EPHB1: variants seen among roughly 807,000 people sequenced by gnomAD.
EPHB1 encodes ephrin type-B receptor 1.
In EPHB1, 30 loss-of-function variants were observed where a neutral mutation model predicts 94.4. The ratio of observed to expected loss-of-function variants is 0.32; its 90% CI spans 0.24 to 0.43. EPHB1 has a LOEUF of 0.43. EPHB1 is among the 20% of genes least tolerant of loss of function. The pLI, the probability that EPHB1 is intolerant of heterozygous loss-of-function variation, is 1.00. For synonymous variants in EPHB1, 522 were observed against 489.1 expected (o/e 1.07, Z -0.89); for missense variants, 1,055 against 1,308.3 (o/e 0.81, Z 2.99).
At chr3:135,005,252 C>T (rs1935354511) in intron 3 of EPHB1, among the ~76,000 whole-genome samples, 1 of 152,170 alleles carries the variant, frequency 6.6e-6, no homozygotes, top group African/African-American at 2.4e-5. Context: ...CTGGGGGGTG[C>T]CTCCCAGTTA....
At chr3:134,854,449 A>G (rs1051213695) in intron 1 of EPHB1, among the ~76,000 whole-genome samples, 1 of 152,004 alleles carries the variant, frequency 6.6e-6, no homozygotes, top group African/African-American at 2.4e-5. Context: ...CTTTTATTGC[A>G]CCGCATTTTG....
chr3:134,904,582 T>C (rs1292364453), intron 1 of EPHB1, among the ~76,000 whole-genome samples: 1 of 152,136 alleles, frequency 6.6e-6, no homozygotes, highest in Non-Finnish European at 1.5e-5. Context: ...CAGCGGATGG[T>C]TTGACTCTGC....
At chr3:135,102,698 A>G (rs1181579915) in intron 3 of EPHB1, among the ~76,000 whole-genome samples, 8 of 152,130 alleles carry the variant, frequency 5.3e-5, no homozygotes, top group African/African-American at 1.9e-4. Context: ...TTGTAGCACT[A>G]TTTACAATAG....
chr3:135,250,144 G>A (rs1207288300), intron 15 of EPHB1, among the ~76,000 whole-genome samples: 1 of 152,136 alleles, frequency 6.6e-6, no homozygotes, highest in East Asian at 1.9e-4. Flanking sequence ...ATAAATTTGG[G>A]AAATATTGTG....
chr3:135,139,619 TG>T (rs1470437310), intron 5 of EPHB1, among the ~76,000 whole-genome samples: 1 of 152,208 alleles, frequency 6.6e-6, no homozygotes, highest in Non-Finnish European at 1.5e-5. Flanking sequence ...TCACTGAGAC[TG>T]GGATCAGAGG....
Position 135,260,447 on chromosome 3 carries a change from C to A in EPHB1, c.*1327C>A. 9.0e-6 allele frequency: 2 copies of A among 222,092 alleles called. No individual in the cohort carries two copies. Among genetic ancestry groups the A allele is most frequent in the Non-Finnish European group, 1.8e-5 (2 of 110,742 alleles). 13.8% of individuals were successfully genotyped at this position (222,092 alleles called of 1,614,324 possible). ...TCTGTCTAATTAAAAAGAGCAGAAG[C>A]ATGTCTGGGTTTACGTAAAATGGTG... is the stretch of plus-strand genomic sequence containing the variant. On this transcript the variant is annotated 3_prime_UTR_variant, in exon 16 of 16. Transcript: ENST00000398015.
chr3:135,005,965 G>A (rs959319412), intron 3 of EPHB1, among the ~76,000 whole-genome samples: 3 of 152,104 alleles, frequency 2.0e-5, no homozygotes, highest in South Asian at 2.1e-4. Flanking sequence ...GTTCCTATTC[G>A]GCCATCTTGG....
chr3:135,177,269 G>A (rs79076402), intron 9 of EPHB1, among the ~76,000 whole-genome samples: 8,621 of 152,220 alleles, frequency 0.057, 791 homozygotes, highest in African/African-American at 0.19. Context: ...GGCTGTTTAC[G>A]TCCTCTCACC....
Position 134,904,894 on chromosome 3 carries a change from CT to C in EPHB1, c.59-20918del, listed in dbSNP as rs143827678. Among the ~76,000 whole-genome samples the C allele has an allele frequency of 9.9e-3, 1,513 of 152,354 alleles. 34 individuals carry two copies. Among genetic ancestry groups the C allele is most frequent in the South Asian group, 0.08 (387 of 4,828 alleles). ...TTGTTTGGGTCTGCTATGCCTAGCT[CT>C]TTTACTTCTCTGCTTTAACCAGGGG... On this transcript the variant is annotated intron_variant, in intron 1 of 15. Transcript: ENST00000398015.
At chr3:134,921,119 C>G (rs1206825833) in intron 1 of EPHB1, among the ~76,000 whole-genome samples, 1 of 152,106 alleles carries the variant, frequency 6.6e-6, no homozygotes, top group Non-Finnish European at 1.5e-5. Context: ...TGCCAGAAAT[C>G]CCTTCTATCT....
At chr3:134,979,683 T>G (rs1342860615) in intron 3 of EPHB1, among the ~76,000 whole-genome samples, 4 of 152,294 alleles carry the variant, frequency 2.6e-5, no homozygotes, top group Non-Finnish European at 5.9e-5. Flanking sequence ...ACCATATAGA[T>G]TAAACTATGA....
At chr3:135,210,106 G>A (rs1942998838) in intron 12 of EPHB1, among the ~76,000 whole-genome samples, 1 of 152,168 alleles carries the variant, frequency 6.6e-6, no homozygotes, top group African/African-American at 2.4e-5. Flanking sequence ...TGTGGGTTTG[G>A]TTCAGAATAG....
intron 4 of EPHB1, among the ~76,000 whole-genome samples, chr3:135,115,311 T>C (rs1939645627): frequency 6.6e-6 from 1 of 152,230 alleles, no homozygotes; most frequent in South Asian, 2.1e-4. Context: ...AGAACTGGCC[T>C]GGAATGGATG....
chr3:134,795,649 A>T lies in EPHB1; in HGVS notation c.18A>T (p.Leu6=). ...GGCCGGCGATGGCCCTGGATTATCT[A>T]CTACTGCTCCTCCTGGCATCCGCAG... MALDY[L]LLLLLASAVA... The change falls in exon 1 of 16, where the codon CTA becomes CTT. Residue 6 remains leucine (L), a synonymous_variant. Transcript: ENST00000398015. 1 of 1,609,280 alleles carries T rather than the reference A, an allele frequency of 6.2e-7. No individual in the cohort carries two copies. The highest frequency in any genetic ancestry group is 2.3e-5 in the East Asian group (1 of 44,210).
Position 135,061,368 on chromosome 3 carries a change from A to ACCG in EPHB1, c.806-45078_806-45077insGCC, listed in dbSNP as rs112594621. Reference sequence around the variant, plus strand: ...GCTTAGCTCCCACTTAGGAATGACCACCCCCCCCGACCCAAGTCCCCAAAG... The same window carrying ACCG: ...GCTTAGCTCCCACTTAGGAATGACCACCGCCCCCCCCGACCCAAGTCCCCAAAG... On this transcript the variant is annotated intron_variant, in intron 3 of 15. Coordinates refer to ENST00000398015, the MANE Select transcript of EPHB1 (RefSeq NM_004441.5). Among the ~76,000 whole-genome samples the ACCG allele has an allele frequency of 9.0e-5, 10 of 111,372 alleles. 3 individuals carry two copies. In the South Asian group the frequency reaches 1.4e-3, roughly 15 times the overall value. 73.1% of individuals were successfully genotyped at this position (111,372 alleles called of 152,430 possible).
intron 12 of EPHB1, among the ~76,000 whole-genome samples, chr3:135,230,036 C>G (rs1403832249): frequency 1.3e-5 from 2 of 152,156 alleles, no homozygotes; most frequent in Non-Finnish European, 2.9e-5. Context: ...AAGCTGTGGT[C>G]TCTTAGGATG....
intron 1 of EPHB1, among the ~76,000 whole-genome samples, chr3:134,866,421 C>T (rs987219512): frequency 3.0e-4 from 45 of 152,312 alleles, no homozygotes; most frequent in African/African-American, 1.1e-3. Context: ...CAGAAAGCTG[C>T]CCAAAGGCCA....
chr3:134,905,599 G>A lies in EPHB1; in HGVS notation c.59-20217G>A, dbSNP rs149540000. 7.9e-5 allele frequency among the ~76,000 whole-genome samples: 12 copies of A among 152,330 alleles called. No homozygotes were observed. In the East Asian group the frequency reaches 2.3e-3, roughly 29 times the overall value. On this transcript the variant is annotated intron_variant, in intron 1 of 15. Transcript: ENST00000398015. ...GCCTAAGGAAAAGAGGAAGAGCAAAGGCAGCAGGTGGTGAGGTGGTTTTAC... is the reference window on the plus strand; with the variant it reads ...GCCTAAGGAAAAGAGGAAGAGCAAAAGCAGCAGGTGGTGAGGTGGTTTTAC...
intron 1 of EPHB1, among the ~76,000 whole-genome samples, chr3:134,809,276 A>C (rs531915417): frequency 6.6e-6 from 1 of 152,200 alleles, no homozygotes; most frequent in African/African-American, 2.4e-5. Context: ...AAATGTACTT[A>C]GAGTTTATCA....
Sources: allele counts gnomAD v4.1 joint callset (sites outside exome capture counted in the v4.1 genomes callset), GRCh38; gene constraint gnomAD v4.1.1; transcripts MANE v1.5; gene names NCBI Gene and HGNC (gene_info 2026-07-23, HGNC 2026-07-21).